CHST8: variants seen among roughly 807,000 people sequenced by gnomAD.
The protein encoded by CHST8 is carbohydrate sulfotransferase 8, also known as GALNAC-4-ST1.
A neutral mutation model predicts 15.0 loss-of-function variants in CHST8; 10 were observed. That is an observed-to-expected ratio of 0.67 (90% CI 0.41 to 1.13). CHST8 has a LOEUF of 1.13. Ranked by LOEUF, CHST8 falls within the 50% of genes most tolerant of loss-of-function variation. The pLI is 0.00. For missense variants in CHST8, 634 were observed against 608.2 expected, an observed-to-expected ratio of 1.04 and a Z score of -0.45; for synonymous variants, 259 against 256.6, an observed-to-expected ratio of 1.01 and a Z score of -0.09.
At chr19:33,638,242 T>C (rs1365613059) in intron 1 of CHST8, among the ~76,000 whole-genome samples, 2 of 152,178 alleles carry the variant, frequency 1.3e-5, no homozygotes, top group Non-Finnish European at 2.9e-5. Flanking sequence ...AAAAGTGGAC[T>C]TGTGTGGCAT....
chr19:33,700,588 T>G (rs1432483337), intron 3 of CHST8, among the ~76,000 whole-genome samples: 1 of 152,196 alleles, frequency 6.6e-6, no homozygotes, highest in Non-Finnish European at 1.5e-5. Flanking sequence ...CTCAGGGCTG[T>G]GGGTGGGGTC....
intron 3 of CHST8, among the ~76,000 whole-genome samples, chr19:33,736,489 G>C (rs1312391047): frequency 6.6e-6 from 1 of 152,166 alleles, no homozygotes; most frequent in Non-Finnish European, 1.5e-5. Flanking sequence ...GGATCTCTCA[G>C]AGGGCCCTTC....
chr19:33,629,217 C>G (rs1307147491), intron 1 of CHST8, among the ~76,000 whole-genome samples: 2 of 152,330 alleles, frequency 1.3e-5, no homozygotes, highest in Non-Finnish European at 1.5e-5. Context: ...ATGCCCACTT[C>G]CCTCCGGAGC....
At chr19:33,757,500 A>AG (rs1974603633) in intron 3 of CHST8, among the ~76,000 whole-genome samples, 1 of 50,934 alleles carries the variant, frequency 2.0e-5, no homozygotes, top group Non-Finnish European at 4.0e-5. Context: ...GAAAGAAAGA[A>AG]AGAAAGAAAG....
chr19:33,629,700 C>T (rs1972098672), intron 1 of CHST8, among the ~76,000 whole-genome samples: 1 of 152,268 alleles, frequency 6.6e-6, no homozygotes, highest in Admixed American at 6.5e-5. Flanking sequence ...TCGCTGTCAC[C>T]TTGTCCTCAC....
chr19:33,645,233 C>T (rs146562602), intron 1 of CHST8, among the ~76,000 whole-genome samples: 155 of 152,024 alleles, frequency 1.0e-3, no homozygotes, highest in African/African-American at 3.4e-3. Context: ...GAGATGAGGC[C>T]GTGTGGGGGC....
At chr19:33,771,317 C>T in intron 3 of CHST8, 96 bp from the exon 4 acceptor site, 1 of 1,243,234 alleles carries the variant, frequency 8.0e-7, no homozygotes, top group Non-Finnish European at 1.2e-6. Context: ...AAGATCCCTC[C>T]AGCCTGGATG....
chr19:33,767,000 C>T (rs1022266112), intron 3 of CHST8, among the ~76,000 whole-genome samples: 3 of 152,292 alleles, frequency 2.0e-5, no homozygotes, highest in South Asian at 4.1e-4. Flanking sequence ...CCCTCCTTCC[C>T]CAGTTCTCTC....
intron 3 of CHST8, among the ~76,000 whole-genome samples, chr19:33,751,807 C>T (rs1599620399): frequency 6.6e-6 from 1 of 152,366 alleles, no homozygotes; most frequent in South Asian, 2.1e-4. Context: ...ACCTATCCTG[C>T]TGAAGCCCCC....
chr19:33,718,897 T>C (rs1029844585), intron 3 of CHST8, among the ~76,000 whole-genome samples: 1 of 151,848 alleles, frequency 6.6e-6, no homozygotes, highest in African/African-American at 2.4e-5. Context: ...CATCTGTCCT[T>C]GGAGTCCTGA....
intron 3 of CHST8, among the ~76,000 whole-genome samples, chr19:33,716,954 C>T (rs1451636501): frequency 2.0e-5 from 3 of 152,054 alleles, no homozygotes; most frequent in African/African-American, 7.2e-5. Flanking sequence ...TCCCTCTGCC[C>T]CTGTCTGCAT....
chr19:33,726,210 G>A (rs1396668213), intron 3 of CHST8, among the ~76,000 whole-genome samples: 1 of 152,222 alleles, frequency 6.6e-6, no homozygotes, highest in East Asian at 1.9e-4. Context: ...GGGCCAGCCA[G>A]TCACATACCA....
chr19:33,710,879 T>TG (rs1568338099), intron 3 of CHST8, among the ~76,000 whole-genome samples: 2 of 151,840 alleles, frequency 1.3e-5, no homozygotes, highest in African/African-American at 4.8e-5. Context: ...GGAGTTTTTT[T>TG]TTTTTTTTTT....
chr19:33,714,028 G>A (rs921094267), intron 3 of CHST8, among the ~76,000 whole-genome samples: 20 of 152,146 alleles, frequency 1.3e-4, no homozygotes, highest in African/African-American at 4.8e-4. Context: ...AACCTTGACT[G>A]CTTGTTAGGA....
chr19:33,709,425 C>T (rs1234454491), intron 3 of CHST8, among the ~76,000 whole-genome samples: 1 of 152,132 alleles, frequency 6.6e-6, no homozygotes, highest in Admixed American at 6.6e-5. Flanking sequence ...AAAAATTTAA[C>T]CATGAATAGG....
chr19:33,752,643 A>C (rs71351740), intron 3 of CHST8, among the ~76,000 whole-genome samples: 1 of 152,004 alleles, frequency 6.6e-6, no homozygotes, highest in African/African-American at 2.4e-5. Context: ...TCTCATTAGC[A>C]GTGTCTGTCA....
intron 1 of CHST8, among the ~76,000 whole-genome samples, chr19:33,662,720 T>C (rs1347996351): frequency 6.6e-6 from 1 of 151,828 alleles, no homozygotes; most frequent in African/African-American, 2.4e-5. Flanking sequence ...GAGGAAAAGG[T>C]GGTGGAGAGG....
At position 33,772,165 on chromosome 19, in the gene CHST8, C is replaced by T. The variant is rs763879034; in HGVS notation, c.377C>T (p.Pro126Leu). The T allele has an allele frequency of 3.7e-6, 6 of 1,600,954 alleles. No individual in the cohort carries two copies. Among genetic ancestry groups the T allele is most frequent in the Admixed American group, 3.4e-5 (2 of 58,598 alleles). The change falls in exon 5 of 5, where the codon CCG becomes CTG. Residue 126 changes from proline (P) to leucine (L), a missense_variant. Transcript: ENST00000650847. ...IKKMPAAATI[P>L]ANSSDAPFIR... ...AAAATGCCAGCTGCGGCGACCATCC[C>T]GGCCAACAGCTCGGACGCGCCCTTC...
At chr19:33,659,654 T>TA in intron 1 of CHST8, among the ~76,000 whole-genome samples, 1 of 151,846 alleles carries the variant, frequency 6.6e-6, no homozygotes, top group African/African-American at 2.4e-5. Flanking sequence ...ACAAAAAAAT[T>TA]AAAAAAATAA....
Sources: gnomAD v4.1 joint callset for allele counts (sites outside exome capture counted in the v4.1 genomes callset) on GRCh38, gnomAD v4.1.1 for gene constraint, MANE v1.5 for transcripts, NCBI Gene and HGNC (gene_info 2026-07-23, HGNC 2026-07-21) for gene names.